Variants in TGM7 observed in about 807,000 individuals in gnomAD.
TGM7 encodes the protein transglutaminase 7.
Under a neutral mutation model 79.5 loss-of-function variants are expected in TGM7, and 74 were observed. The ratio of observed to expected loss-of-function variants is 0.93; its 90% CI spans 0.77 to 1.13. The LOEUF is 1.13. TGM7 is among the 50% of genes most tolerant of loss of function. The probability of loss-of-function intolerance (pLI) is 0.00; values close to 1 mark genes in which losing one functional copy is unlikely to be tolerated. For synonymous variants in TGM7, 354 were observed against 362.5 expected, an observed-to-expected ratio of 0.98 and a Z score of 0.27; for missense variants, 912 against 905.9, an observed-to-expected ratio of 1.01 and a Z score of -0.09.
chr15:43,296,932 A>G (rs1430559283), intron 1 of TGM7, among the ~76,000 whole-genome samples: 1 of 152,196 alleles, frequency 6.6e-6, no homozygotes, highest in African/African-American at 2.4e-5. Flanking sequence ...GAAAGCCAAG[A>G]GGATCAGGAA....
chr15:43,301,310 A>T (rs915314953), intron 1 of TGM7, among the ~76,000 whole-genome samples: 4 of 151,438 alleles, frequency 2.6e-5, no homozygotes, highest in Non-Finnish European at 4.4e-5. Flanking sequence ...CCATTAGAAC[A>T]TGATACATGC....
intron 11 of TGM7, among the ~76,000 whole-genome samples, chr15:43,278,049 C>T (rs116914786): frequency 2.4e-4 from 37 of 152,376 alleles, no homozygotes; most frequent in Non-Finnish European, 4.9e-4. Context: ...CACTGTTTGC[C>T]CCAGCACAGA....
rs1472605968 is a variant in TGM7, at chr15:43,282,053, G to T, written c.1142C>A (p.Ala381Asp). The change falls in exon 9 of 13, where the codon GCC (alanine) becomes GAC (aspartate). Residue 381 changes from alanine to aspartate, a missense_variant. Physicochemically the swap from Ala to Asp is moderately radical, Grantham distance 126. Transcript: ENST00000452443. Reference protein sequence around the residue: ...LFCCGPASVKAIREGDVHLAY... With the variant: ...LFCCGPASVKDIREGDVHLAY... ...CAGGTGGACATCCCCTTCCCTGATG[G>T]CCTTCACAGAGGCAGGGCCACAGCA... The T allele has an allele frequency of 6.2e-7, 1 of 1,614,156 alleles. No individual in the cohort carries two copies. The highest frequency in any genetic ancestry group is 1.7e-5 in the Admixed American group (1 of 60,026).
At chr15:43,278,048 C>T (rs755645261) in intron 11 of TGM7, among the ~76,000 whole-genome samples, 2 of 152,252 alleles carry the variant, frequency 1.3e-5, no homozygotes, top group Non-Finnish European at 2.9e-5. Context: ...CCACTGTTTG[C>T]CCCAGCACAG....
chr15:43,283,263 C>G (rs769863392), intron 7 of TGM7, among the ~76,000 whole-genome samples: 1 of 152,148 alleles, frequency 6.6e-6, no homozygotes, highest in Non-Finnish European at 1.5e-5. Context: ...GATATGATGC[C>G]TTTATCTAAT....
chr15:43,293,852 T>G (rs1198805518), intron 1 of TGM7, among the ~76,000 whole-genome samples: 81 of 8,356 alleles, frequency 9.7e-3, no homozygotes, highest in Middle Eastern at 0.056. Flanking sequence ...TGCGGGGGGG[T>G]GGGGTGTGCT....
At position 43,284,958 on chromosome 15, in the gene TGM7, G is replaced by T; in HGVS notation, c.866-6C>A. On this transcript the variant is annotated splice_polypyrimidine_tract_variant and splice_region_variant and intron_variant, in intron 6 of 12. Coordinates refer to ENST00000452443, the MANE Select transcript of TGM7 (RefSeq NM_052955.3). ...AACACCTAAGCATCTCATTACTAAAGAGAAAAATATAGAGAATCGCTGAGT... is the reference window on the plus strand; with the variant it reads ...AACACCTAAGCATCTCATTACTAAATAGAAAAATATAGAGAATCGCTGAGT... 1.2e-6 allele frequency: 2 copies of T among 1,613,966 alleles called. No homozygotes were observed. The highest frequency in any genetic ancestry group is 1.7e-6 in the Non-Finnish European group (2 of 1,179,894).
intron 4 of TGM7, among the ~76,000 whole-genome samples, chr15:43,289,957 G>A (rs1368595074): frequency 6.6e-6 from 1 of 152,122 alleles, no homozygotes; most frequent in Non-Finnish European, 1.5e-5. Flanking sequence ...GTAGATTCTG[G>A]ATATTAGCCC....
chr15:43,287,680 ATTT>A lies in TGM7; in HGVS notation c.559-14_559-12del. ...GATGTCCTCTTCAAACTTCCAAGTGATTTTAAGGGAGAAAAAAGAGAAGAGCAA... is the reference window on the plus strand; with the variant it reads ...GATGTCCTCTTCAAACTTCCAAGTGATAAGGGAGAAAAAAGAGAAGAGCAA... On this transcript the variant is annotated splice_polypyrimidine_tract_variant and intron_variant, in intron 4 of 12. Coordinates refer to ENST00000452443, the MANE Select transcript of TGM7 (RefSeq NM_052955.3). 1 of 1,601,106 alleles carries A rather than the reference ATTT, an allele frequency of 6.2e-7. No individual in the cohort carries two copies. Among genetic ancestry groups the A allele is most frequent in the Admixed American group, 1.8e-5 (1 of 56,116 alleles).
intron 11 of TGM7, 58 bp downstream of exon 11, chr15:43,279,059 G>T (rs1256313932): frequency 2.6e-6 from 4 of 1,551,734 alleles, no homozygotes; most frequent in Non-Finnish European, 3.5e-6. Flanking sequence ...CTGCACCCCA[G>T]CCCCTGGATT....
chr15:43,297,294 A>T (rs1348407520), intron 1 of TGM7, among the ~76,000 whole-genome samples: 1 of 151,922 alleles, frequency 6.6e-6, no homozygotes, highest in African/African-American at 2.4e-5. Context: ...CTCCACTAAA[A>T]ATACAAAAAT....
chr15:43,284,942 G>A lies in TGM7; in HGVS notation c.876C>T (p.Cys292=). 6.2e-7 allele frequency: 1 copy of A among 1,614,166 alleles called. No homozygotes were observed. The highest frequency in any genetic ancestry group is 8.5e-7 in the Non-Finnish European group (1 of 1,179,982). The change falls in exon 7 of 13, where the codon TGC becomes TGT. Residue 292 remains cysteine, a synonymous_variant. Transcript: ENST00000452443. ...AAACAACACGGGTTGGAACACCTAA[G>A]CATCTCATTACTAAAGAGAAAAATA... ...FASVMCTVMR[C]LGVPTRVVSN...
intron 11 of TGM7, 65 bp from the exon 12 acceptor site, chr15:43,277,060 A>AC (rs1191764053): frequency 3.2e-6 from 5 of 1,574,110 alleles, no homozygotes; most frequent in Non-Finnish European, 4.3e-6. Context: ...TGGTTCAGTT[A>AC]CCCCCACCCC....
intron 1 of TGM7, among the ~76,000 whole-genome samples, chr15:43,298,490 C>T (rs1213734489): frequency 6.6e-6 from 1 of 152,246 alleles, no homozygotes; most frequent in Non-Finnish European, 1.5e-5. Context: ...GGCGCGGTGG[C>T]TCACGCCTGT....
chr15:43,281,042 A>G (rs1461864345), intron 9 of TGM7, among the ~76,000 whole-genome samples: 2 of 152,186 alleles, frequency 1.3e-5, no homozygotes, highest in African/African-American at 4.8e-5. Context: ...ATCATAAGAA[A>G]CATTTGTGCC....
chr15:43,279,298 C>A, intron 10 of TGM7, 21 bp from the exon 11 acceptor site: 2 of 1,610,998 alleles, frequency 1.2e-6, no homozygotes, highest in East Asian at 2.2e-5. Flanking sequence ...ACAAAAGACA[C>A]CTTGAGTCCA....
Position 43,293,562 on chromosome 15 carries a change from T to C in TGM7, c.80A>G (p.Glu27Gly). 2 of 1,611,262 alleles carry C rather than the reference T, an allele frequency of 1.2e-6. No homozygotes were observed. The highest frequency in any genetic ancestry group is 1.7e-6 in the Non-Finnish European group (2 of 1,179,674). Residue 27 changes from glutamate (E) to glycine (G), a missense_variant, in exon 2 of 13, where the codon GAG (glutamate) becomes GGG (glycine). By Grantham distance (98) the Glu-to-Gly change is moderately conservative. Transcript: ENST00000452443. Reference sequence around the variant, plus strand: ...CACAGTGAGCCGCTTGACGCCCATCTCCTGCGTGTGGTGCTCCTTGTTGTT... The same window carrying C: ...CACAGTGAGCCGCTTGACGCCCATCCCCTGCGTGTGGTGCTCCTTGTTGTT... ...SRNNKEHHTQ[E>G]MGVKRLTVRR...
At chr15:43,282,994 G>C (rs1457089919) in intron 7 of TGM7, among the ~76,000 whole-genome samples, 4 of 152,266 alleles carry the variant, frequency 2.6e-5, no homozygotes, top group African/African-American at 9.6e-5. Flanking sequence ...AGCTTGCAGT[G>C]AGCCAAGATG....
At chr15:43,282,176 G>A (rs1392311088) in intron 8 of TGM7, 90 bp from the exon 9 acceptor site, 5 of 1,536,430 alleles carry the variant, frequency 3.3e-6, no homozygotes, top group Non-Finnish European at 4.4e-6. Context: ...CGGCACCACT[G>A]ACTCTCACCC....
Sources: allele counts gnomAD v4.1 joint callset (sites outside exome capture counted in the v4.1 genomes callset), GRCh38; gene constraint gnomAD v4.1.1; transcripts MANE v1.5; gene names NCBI Gene and HGNC (gene_info 2026-07-23, HGNC 2026-07-21).